The following SPIDR variants were observed in gnomAD, a reference collection of about 807,000 sequenced individuals.
SPIDR encodes DNA repair-scaffolding protein.
In SPIDR, 93 loss-of-function variants were observed where a neutral mutation model predicts 104.6. That is an observed-to-expected ratio of 0.89 (90% CI 0.75 to 1.06). The LOEUF (loss-of-function observed/expected upper bound fraction) is 1.06. SPIDR is among the 50% of genes least tolerant of loss of function. SPIDR has a pLI of 0.00. For synonymous variants in SPIDR, 431 were observed against 416.9 expected (o/e 1.03, Z -0.41); for missense variants, 1,154 against 1,111.2 (o/e 1.04, Z -0.55).
At chr8:47,674,790 T>C (rs118042518) in intron 11 of SPIDR, among the ~76,000 whole-genome samples, 69 of 152,304 alleles carry the variant, frequency 4.5e-4, no homozygotes, top group South Asian at 1.7e-3. Context: ...GGTGAATGTT[T>C]AGTGAGCATT....
intron 10 of SPIDR, among the ~76,000 whole-genome samples, chr8:47,641,912 T>C (rs1487076366): frequency 6.6e-6 from 1 of 152,192 alleles, no homozygotes; most frequent in East Asian, 1.9e-4. Flanking sequence ...GCCAGCACTC[T>C]GGGAAGGTAG....
chr8:47,356,211 G>A (rs1010559928), intron 5 of SPIDR, among the ~76,000 whole-genome samples: 2 of 152,144 alleles, frequency 1.3e-5, no homozygotes, highest in East Asian at 1.9e-4. Flanking sequence ...TTAAGTCCTC[G>A]TGAAAATAGA....
chr8:47,548,759 C>G (rs1165368812), intron 8 of SPIDR, among the ~76,000 whole-genome samples: 1 of 152,114 alleles, frequency 6.6e-6, no homozygotes, highest in Non-Finnish European at 1.5e-5. Context: ...CCTCATTCCT[C>G]TTTGTGTTTA....
intron 5 of SPIDR, among the ~76,000 whole-genome samples, chr8:47,298,102 C>T (rs1376224941): frequency 7.9e-5 from 12 of 152,198 alleles, no homozygotes; most frequent in Non-Finnish European, 1.6e-4. Context: ...TGTTTCTCCA[C>T]ATCCTCTCCA....
intron 8 of SPIDR, among the ~76,000 whole-genome samples, chr8:47,562,827 C>T (rs73677539): frequency 0.012 from 1,801 of 152,208 alleles, 44 homozygotes; most frequent in African/African-American, 0.041. Context: ...CCTTCATCCC[C>T]GCCAAACTTC....
chr8:47,594,380 A>C (rs1411502824), intron 8 of SPIDR, among the ~76,000 whole-genome samples: 1 of 151,618 alleles, frequency 6.6e-6, no homozygotes. Flanking sequence ...AAAAAGAAAA[A>C]GGAAAAGAAA....
chr8:47,412,524 C>A (rs1324725231), intron 7 of SPIDR, among the ~76,000 whole-genome samples: 1 of 152,156 alleles, frequency 6.6e-6, no homozygotes, highest in African/African-American at 2.4e-5. Flanking sequence ...AAATGACTTT[C>A]ATTGGTCTGG....
intron 8 of SPIDR, among the ~76,000 whole-genome samples, chr8:47,551,933 C>T (rs1163442205): frequency 6.6e-6 from 1 of 152,210 alleles, no homozygotes; most frequent in Non-Finnish European, 1.5e-5. Context: ...CCTCTACACA[C>T]TGCTTTGAAT....
At chr8:47,418,046 G>A (rs1012162537) in intron 7 of SPIDR, among the ~76,000 whole-genome samples, 3 of 152,198 alleles carry the variant, frequency 2.0e-5, no homozygotes, top group Admixed American at 6.5e-5. Flanking sequence ...ATAGTTTGAA[G>A]TCAGGTAGCG....
At chr8:47,610,492 C>T (rs1219539355) in intron 10 of SPIDR, among the ~76,000 whole-genome samples, 1 of 152,238 alleles carries the variant, frequency 6.6e-6, no homozygotes. Flanking sequence ...GCCACCGCAC[C>T]TTGCTGCCCC....
intron 11 of SPIDR, among the ~76,000 whole-genome samples, chr8:47,692,085 G>C (rs377543373): frequency 6.6e-6 from 1 of 152,186 alleles, no homozygotes; most frequent in Non-Finnish European, 1.5e-5. Context: ...TATAGCAATG[G>C]AAGTATTTCA....
At chr8:47,551,979 C>G (rs940718228) in intron 8 of SPIDR, among the ~76,000 whole-genome samples, 1 of 152,168 alleles carries the variant, frequency 6.6e-6, no homozygotes, top group Non-Finnish European at 1.5e-5. Context: ...TGCCTTTGTT[C>G]TCATTGGTTT....
intron 8 of SPIDR, among the ~76,000 whole-genome samples, chr8:47,580,481 G>A (rs1298166847): frequency 1.3e-5 from 2 of 152,116 alleles, no homozygotes; most frequent in South Asian, 4.1e-4. Flanking sequence ...TAAAAACCGA[G>A]TCACAAAGAC....
intron 5 of SPIDR, among the ~76,000 whole-genome samples, chr8:47,297,518 A>G (rs1284664513): frequency 6.6e-6 from 1 of 152,034 alleles, no homozygotes; most frequent in African/African-American, 2.4e-5. Flanking sequence ...CAGGTTTGTT[A>G]CATATGTATA....
intron 8 of SPIDR, among the ~76,000 whole-genome samples, chr8:47,492,511 G>A (rs937162873): frequency 6.6e-6 from 1 of 152,194 alleles, no homozygotes; most frequent in Admixed American, 6.5e-5. Flanking sequence ...AGTGACAAAT[G>A]AGTGCCTTGT....
intron 10 of SPIDR, among the ~76,000 whole-genome samples, chr8:47,603,043 C>T (rs2062486176): frequency 6.6e-6 from 1 of 152,168 alleles, no homozygotes; most frequent in African/African-American, 2.4e-5. Context: ...GCAGAAGGTG[C>T]TCCCTAACCA....
intron 11 of SPIDR, chr8:47,697,921 G>C (rs1455419402): frequency 3.3e-5 from 5 of 152,248 alleles, no homozygotes; most frequent in Non-Finnish European, 7.3e-5. Flanking sequence ...GAGCCTGCCA[G>C]ACTAGGGACC....
intron 8 of SPIDR, among the ~76,000 whole-genome samples, chr8:47,587,885 A>G (rs997527181): frequency 1.3e-5 from 2 of 150,860 alleles, no homozygotes; most frequent in Admixed American, 6.6e-5. Flanking sequence ...TATCCCTTCA[A>G]TAACACCATA....
At chr8:47,517,215 A>G (rs1038358580) in intron 8 of SPIDR, among the ~76,000 whole-genome samples, 1 of 152,068 alleles carries the variant, frequency 6.6e-6, no homozygotes, top group Non-Finnish European at 1.5e-5. Flanking sequence ...TGAACTTCTG[A>G]CCTCAAGTGA....
Sources: allele counts gnomAD v4.1 joint callset (sites outside exome capture counted in the v4.1 genomes callset), GRCh38; gene constraint gnomAD v4.1.1; transcripts MANE v1.5; gene names NCBI Gene and HGNC (gene_info 2026-07-23, HGNC 2026-07-21).